Variants in PTCH1 observed in about 807,000 individuals in gnomAD.
PTCH1 encodes protein patched homolog 1.
Under a neutral mutation model 144.6 loss-of-function variants are expected in PTCH1, and 14 were observed. The observed-to-expected ratio is 0.10, with a 90% confidence interval of 0.06 to 0.15. The LOEUF (loss-of-function observed/expected upper bound fraction) is 0.15. Among genes scored for constraint, PTCH1 ranks in the 10% least tolerant of loss-of-function variants. The pLI is 1.00. For missense variants in PTCH1, 1,623 were observed against 1,948.3 expected, an observed-to-expected ratio of 0.83 and a Z score of 3.14; for synonymous variants, 833 against 793.6, an observed-to-expected ratio of 1.05 and a Z score of -0.83.
In PTCH1 at chr9:95,516,426, G is replaced by A. The variant is rs899005959; in HGVS notation, c.3+43C>T. Reference sequence around the variant, plus strand: ...GCGCCGCCCGAGGAGCACGGCGCGCGAGGCGAGGTGGCGTCGGCGGCCGCC... The same window carrying A: ...GCGCCGCCCGAGGAGCACGGCGCGCAAGGCGAGGTGGCGTCGGCGGCCGCC... On this transcript the variant is annotated intron_variant, in intron 1 of 22. Coordinates refer to the PTCH1 transcript ENST00000430669. 5 of 1,356,328 alleles carry A rather than the reference G, an allele frequency of 3.7e-6. No homozygotes were observed. The African/African-American group carries it at 7.7e-5, about 21-fold the overall frequency. The allele number at this position is 1,356,328 out of a possible 1,614,324, so 84.0% of individuals were successfully genotyped here.
In PTCH1 at chr9:95,508,745, A is replaced by AC; in HGVS notation, c.-385dup. The AC allele has an allele frequency of 2.6e-6, 1 of 387,000 alleles. No individual in the cohort carries two copies. Among genetic ancestry groups the AC allele is most frequent in the East Asian group, 1.8e-4 (1 of 5,412 alleles). 24.0% of individuals were successfully genotyped at this position (387,000 alleles called of 1,614,324 possible). A position where few individuals can be genotyped will look rare whatever the true frequency, so the allele number is the denominator to read the frequency against. On this transcript the variant is annotated 5_prime_UTR_variant, in exon 1 of 24. Coordinates refer to ENST00000331920, the MANE Select transcript of PTCH1 (RefSeq NM_000264.5). ...CTCCTTGCGGTCCCCAACTCCCCCTACCCGCCCCCCGCCCCGCGCCGCGAC... is the reference window on the plus strand; with the variant it reads ...CTCCTTGCGGTCCCCAACTCCCCCTACCCCGCCCCCCGCCCCGCGCCGCGAC...
At chr9:95,480,719 T>C in intron 5 of PTCH1, 131 bp from the exon 6 acceptor site, 1 of 886,110 alleles carries the variant, frequency 1.1e-6, no homozygotes, top group Non-Finnish European at 1.8e-6. Flanking sequence ...GACTCTGGCA[T>C]CAAAACAAAT....
intron 12 of PTCH1, among the ~76,000 whole-genome samples, chr9:95,473,006 C>T (rs986102646): frequency 6.6e-6 from 1 of 152,204 alleles, no homozygotes; most frequent in African/African-American, 2.4e-5. Flanking sequence ...AAGGCTGGGA[C>T]ACATGCAGAG....
chr9:95,447,341 G>C lies in PTCH1; in HGVS notation c.3915C>G (p.Asp1305Glu), dbSNP rs786204201. 1 of 1,613,490 alleles carries C rather than the reference G, an allele frequency of 6.2e-7. No homozygotes were observed. The highest frequency in any genetic ancestry group is 8.5e-7 in the Non-Finnish European group (1 of 1,179,970). The change falls in exon 23 of 24, where the codon GAC (aspartate) becomes GAG (glutamate). Residue 1305 changes from aspartate to glutamate, a missense_variant. Coordinates refer to ENST00000331920, the MANE Select transcript of PTCH1 (RefSeq NM_000264.5). ...PGRQGQQPRRDPPREGLWPPP... is the reference protein window; with the variant it reads ...PGRQGQQPRREPPREGLWPPP... ...GTGGCCACAAGCCTTCTCTGGGGGGGTCCCTGCGGGGCTGCTGGCCTTGCC... is the reference window on the plus strand; with the variant it reads ...GTGGCCACAAGCCTTCTCTGGGGGGCTCCCTGCGGGGCTGCTGGCCTTGCC...
intron 18 of PTCH1, among the ~76,000 whole-genome samples, 187 bp downstream of exon 18, chr9:95,457,826 C>A (rs377077820): frequency 6.6e-6 from 1 of 152,150 alleles, no homozygotes; most frequent in Admixed American, 6.5e-5. Context: ...AGAGGACCTA[C>A]GAATAAGGCC....
intron 22 of PTCH1, 69 bp downstream of exon 22, chr9:95,449,000 C>A (rs763509295): frequency 1.2e-6 from 2 of 1,602,786 alleles, no homozygotes; most frequent in Non-Finnish European, 1.7e-6. Flanking sequence ...GACAGGAGCC[C>A]CCGCTGGACC....
At chr9:95,470,046 C>G in intron 12 of PTCH1, 115 bp from the exon 13 acceptor site, 1 of 808,904 alleles carries the variant, frequency 1.2e-6, no homozygotes, top group Non-Finnish European at 2.1e-6. Context: ...CCTCTTGAAG[C>G]ATTTGAAACC....
chr9:95,473,895 A>C (rs895174434), intron 12 of PTCH1: 9 of 343,216 alleles, frequency 2.6e-5, no homozygotes, highest in Admixed American at 2.6e-4. Flanking sequence ...GGTATTCTTC[A>C]GTAAGATGAG....
intron 3 of PTCH1, chr9:95,483,835 G>A (rs1841763032): frequency 1.3e-5 from 2 of 152,106 alleles, no homozygotes; most frequent in East Asian, 3.8e-4. Context: ...GCATGAGTAG[G>A]TTCTCACTTT....
chr9:95,469,398 T>G (rs1478143112), intron 13 of PTCH1, among the ~76,000 whole-genome samples: 3 of 152,178 alleles, frequency 2.0e-5, no homozygotes, highest in African/African-American at 7.2e-5. Context: ...AAATTTGGCT[T>G]TCAAAAGCAA....
chr9:95,516,910 C>G, exon 1 of PTCH1: 1 of 1,141,078 alleles, frequency 8.8e-7, no homozygotes, highest in African/African-American at 1.6e-5. Context: ...TTACAATAAA[C>G]TCAAGGAAAG....
upstream of PTCH1, among the ~76,000 whole-genome samples, chr9:95,510,118 G>A (rs1844071885): frequency 3.3e-5 from 5 of 151,694 alleles, no homozygotes; most frequent in South Asian, 1.1e-3. Context: ...TCTCGAATGT[G>A]ACATAAGTAA....
chr9:95,507,143 C>T (rs2118892450), intron 1 of PTCH1: 2 of 985,514 alleles, frequency 2.0e-6, no homozygotes, highest in Non-Finnish European at 2.4e-6. Flanking sequence ...GCGCGGCCGC[C>T]GGAGTTCACT....
rs370943319 is a variant in PTCH1, at chr9:95,476,001, G to C, written c.1728+33C>G. 635 of 1,612,486 alleles carry C rather than the reference G, an allele frequency of 3.9e-4. No individual in the cohort carries two copies. The highest frequency in any genetic ancestry group is 5.1e-4 in the Non-Finnish European group (602 of 1,180,004). The stretch of plus-strand genomic sequence containing the variant: ...ATGCTGGAAGTCAGTGCCCCGTTCA[G>C]GATCACCACAGCCTTCATCACCAGA... On this transcript the variant is annotated intron_variant, in intron 12 of 23. Coordinates refer to ENST00000331920, the MANE Select transcript of PTCH1 (RefSeq NM_000264.5). The surrounding 1 kb of genome is among the most constrained non-coding windows in gnomAD (Gnocchi z 4.6).
At chr9:95,490,726 A>AGGGGAAATGAAGAGAGGT (rs2118640734) in intron 2 of PTCH1, among the ~76,000 whole-genome samples, 1 of 152,284 alleles carries the variant, frequency 6.6e-6, no homozygotes, top group East Asian at 1.9e-4. Context: ...GAAGAATGAG[A>AGGGGAAATGAAGAGAGGT]GGGGAAATGA....
intron 15 of PTCH1, among the ~76,000 whole-genome samples, chr9:95,464,026 G>A (rs1181690818): frequency 2.6e-5 from 4 of 152,230 alleles, no homozygotes; most frequent in South Asian, 4.1e-4. Context: ...TGGGACACCC[G>A]AGGGTGAAAC....
rs374338076 is a variant in PTCH1 at position 95,482,083 on chromosome 9, A to C, written c.655-43T>G. 7.5e-6 allele frequency: 12 copies of C among 1,610,564 alleles called. No homozygotes were observed. The highest frequency in any genetic ancestry group is 1.1e-5 in the South Asian group (1 of 91,032). On this transcript the variant is annotated intron_variant, in intron 4 of 23. Coordinates refer to ENST00000331920, the MANE Select transcript of PTCH1 (RefSeq NM_000264.5). ...AAGAGGCCATGCGTTAGGTTAAGGC[A>C]CACTACTGGGGTGTTCCTGAGAAAT...
chr9:95,502,466 C>A (rs35532379), intron 2 of PTCH1, among the ~76,000 whole-genome samples: 2,648 of 152,306 alleles, frequency 0.017, 34 homozygotes, highest in Non-Finnish European at 0.027. Flanking sequence ...GTTTCTCCCC[C>A]ACCTTGCTGC....
chr9:95,476,448 A>T lies in PTCH1; in HGVS notation c.1603-289T>A, dbSNP rs1437258651. Among the ~76,000 whole-genome samples the T allele has an allele frequency of 6.6e-6, 1 of 152,216 alleles. No individual in the cohort carries two copies. The highest frequency in any genetic ancestry group is 6.5e-5 in the Admixed American group (1 of 15,276). On this transcript the variant is annotated intron_variant, in intron 11 of 23. Transcript: ENST00000331920. This position sits in a 1 kb window ranked among gnomAD's most constrained non-coding sequence, Gnocchi z 4.6. The stretch of plus-strand genomic sequence containing the variant: ...AAGGGAGTGGAGGGAGGTGATGGCT[A>T]AGTGACAGACATCTCCAGAGAAGCA...
Sources: allele counts gnomAD v4.1 joint callset (sites outside exome capture counted in the v4.1 genomes callset), GRCh38; gene constraint gnomAD v4.1.1; non-coding constraint Gnocchi (gnomAD v3.1); transcripts MANE v1.5; gene names NCBI Gene and HGNC (gene_info 2026-07-23, HGNC 2026-07-21).